The following PHAX variants were observed in gnomAD, a reference collection of about 807,000 sequenced individuals.
PHAX encodes the protein phosphorylated adaptor for RNA export, also known as phosphorylated adapter RNA export protein.
In PHAX, 31 loss-of-function variants were observed where a neutral mutation model predicts 41.6. The observed-to-expected ratio is 0.75, with a 90% CI of 0.56 to 1.01. The LOEUF is 1.01. Among genes scored for constraint, PHAX ranks in the 50% least tolerant of loss-of-function variants. The pLI is 0.00. For synonymous variants in PHAX, 175 were observed against 164.9 expected, an observed-to-expected ratio of 1.06 and a Z score of -0.47; for missense variants, 453 against 472.9, an observed-to-expected ratio of 0.96 and a Z score of 0.39.
chr5:126,611,178 C>A (rs1752091490), intron 3 of PHAX, among the ~76,000 whole-genome samples: 1 of 152,118 alleles, frequency 6.6e-6, no homozygotes, highest in African/African-American at 2.4e-5. Flanking sequence ...GCCTCAGCCT[C>A]CCAAGTAGCT....
At chr5:126,616,880 CA>C (rs35808274) in intron 3 of PHAX, among the ~76,000 whole-genome samples, 32,720 of 91,066 alleles carry the variant, frequency 0.36, 4,403 homozygotes, top group African/African-American at 0.51. Context: ...AACTCCATCT[CA>C]AAAAAAAAAA....
Position 126,603,914 on chromosome 5 carries a change from A to C in PHAX, c.441A>C (p.Arg147Ser). 1.9e-6 allele frequency: 3 copies of C among 1,613,576 alleles called. No homozygotes were observed. Among genetic ancestry groups the C allele is most frequent in the Non-Finnish European group, 2.5e-6 (3 of 1,179,866 alleles). ...TGGAGGGCACTATTGACAGAAGCAG[A>C]CAATCCGAGACCTACAATTATTTGC... ...LGMEGTIDRSRQSETYNYLLA... is the reference protein window; with the variant it reads ...LGMEGTIDRSSQSETYNYLLA... The change falls in exon 2 of 5, where the codon AGA becomes AGC. Residue 147 changes from arginine (R) to serine (S), a missense_variant. Transcript: ENST00000297540.
chr5:126,620,906 T>G (rs1473822164), intron 4 of PHAX, among the ~76,000 whole-genome samples: 2 of 152,160 alleles, frequency 1.3e-5, no homozygotes, highest in Non-Finnish European at 2.9e-5. Flanking sequence ...CGGCTAATTT[T>G]TGTATTTTTA....
At position 126,624,478 on chromosome 5, in the gene PHAX, G is replaced by GT. The variant is rs1752316860; in HGVS notation, c.916-96dup. 5.2e-6 allele frequency: 5 copies of GT among 963,442 alleles called. No individual in the cohort carries two copies. The East Asian group carries it at 1.2e-4, about 23-fold the overall frequency. The allele number at this position is 963,442 out of a possible 1,614,324, so 59.7% of individuals were successfully genotyped here. A position where few individuals can be genotyped will look rare whatever the true frequency, so the allele number is the denominator to read the frequency against. ...GAGCCTAATAATACTTGTATTTTTT[G>GT]TAAGAAATGGAGATAATGATTTTAA... On this transcript the variant is annotated intron_variant, in intron 4 of 4. Transcript: ENST00000297540.
In PHAX at chr5:126,624,571, A is replaced by G; in HGVS notation, c.916-4A>G. On this transcript the variant is annotated splice_polypyrimidine_tract_variant and splice_region_variant and intron_variant, in intron 4 of 4. Coordinates refer to ENST00000297540, the MANE Select transcript of PHAX (RefSeq NM_032177.4). ...TGTTTACTAACTTTGTTCCTTTATTACAGGACATTTTCTACATTGAAAACC... is the reference window on the plus strand; with the variant it reads ...TGTTTACTAACTTTGTTCCTTTATTGCAGGACATTTTCTACATTGAAAACC... 1 of 1,583,264 alleles carries G rather than the reference A, an allele frequency of 6.3e-7. No homozygotes were observed. The highest frequency in any genetic ancestry group is 8.6e-7 in the Non-Finnish European group (1 of 1,167,722).
chr5:126,605,811 A>T (rs550022070), intron 2 of PHAX, among the ~76,000 whole-genome samples: 1 of 152,312 alleles, frequency 6.6e-6, no homozygotes, highest in South Asian at 2.1e-4. Context: ...TATATTTTTA[A>T]ATCATGGGTT....
rs1052671093 is a variant in PHAX, at chr5:126,601,139, G to A, written c.96+81G>A. 9.0e-6 allele frequency: 9 copies of A among 1,004,386 alleles called. No homozygotes were observed. The South Asian group carries it at 1.1e-4, about 12-fold the overall frequency. 62.2% of individuals were successfully genotyped at this position (1,004,386 alleles called of 1,614,324 possible). A position where few individuals can be genotyped will look rare whatever the true frequency, so the allele number is the denominator to read the frequency against. ...GGGGAGCGCGCAGGCAGCGGTGAGG[G>A]TGAGGGGTGGGAGCTAGGAGCCCGG... On this transcript the variant is annotated intron_variant, in intron 1 of 4. Coordinates refer to ENST00000297540, the MANE Select transcript of PHAX (RefSeq NM_032177.4).
chr5:126,606,783 C>G (rs1419071764), intron 2 of PHAX, among the ~76,000 whole-genome samples: 2 of 151,936 alleles, frequency 1.3e-5, no homozygotes, highest in Non-Finnish European at 2.9e-5. Context: ...TCCCTAGTAG[C>G]CGGGATTAGA....
intron 4 of PHAX, among the ~76,000 whole-genome samples, chr5:126,619,992 T>C (rs1487626697): frequency 6.6e-6 from 1 of 152,218 alleles, no homozygotes; most frequent in African/African-American, 2.4e-5. Context: ...CTTTTAGCCA[T>C]ACTGACTGTA....
At chr5:126,622,376 C>T (rs1328966583) in intron 4 of PHAX, among the ~76,000 whole-genome samples, 2 of 151,514 alleles carry the variant, frequency 1.3e-5, no homozygotes, top group African/African-American at 2.4e-5. Flanking sequence ...TCGTGATCCG[C>T]CCGCCTCAGC....
chr5:126,612,975 T>C (rs555488212), intron 3 of PHAX, among the ~76,000 whole-genome samples: 162 of 152,276 alleles, frequency 1.1e-3, no homozygotes, highest in African/African-American at 3.6e-3. Context: ...AAAATTCACA[T>C]TGGCTTCAAA....
intron 4 of PHAX, among the ~76,000 whole-genome samples, chr5:126,624,298 C>G (rs1229516512): frequency 6.6e-6 from 1 of 152,136 alleles, no homozygotes; most frequent in Non-Finnish European, 1.5e-5. Context: ...CATGAGTCAC[C>G]ATGCCCAGCC....
At chr5:126,614,408 G>A (rs757043312) in intron 3 of PHAX, among the ~76,000 whole-genome samples, 2 of 151,944 alleles carry the variant, frequency 1.3e-5, no homozygotes, top group African/African-American at 2.4e-5. Context: ...CACCGCACCC[G>A]GCCACAAGTG....
At chr5:126,610,574 A>G (rs184320061) in intron 3 of PHAX, among the ~76,000 whole-genome samples, 2 of 152,356 alleles carry the variant, frequency 1.3e-5, no homozygotes, top group South Asian at 2.1e-4. Flanking sequence ...AAGTACTTCA[A>G]TTTTCATTCA....
At chr5:126,611,088 T>C (rs1561680572) in intron 3 of PHAX, among the ~76,000 whole-genome samples, 3 of 146,462 alleles carry the variant, frequency 2.0e-5, no homozygotes, top group African/African-American at 7.7e-5. Context: ...GTAGTTTTGC[T>C]CTTGTTGCCC....
intron 4 of PHAX, among the ~76,000 whole-genome samples, chr5:126,618,723 T>G (rs1002095786): frequency 6.6e-6 from 1 of 151,272 alleles, no homozygotes; most frequent in African/African-American, 2.4e-5. Context: ...TGGAGTGCAG[T>G]GTCATGATCT....
At chr5:126,608,266 T>C in intron 2 of PHAX, 98 bp from the exon 3 acceptor site, 2 of 1,388,564 alleles carry the variant, frequency 1.4e-6, no homozygotes, top group East Asian at 2.4e-5. Context: ...AAACCAAAAG[T>C]TACTAGAATC....
chr5:126,615,919 T>TACAC (rs1486810732), intron 3 of PHAX, among the ~76,000 whole-genome samples: 1 of 152,134 alleles, frequency 6.6e-6, no homozygotes, highest in South Asian at 2.1e-4. Context: ...TGTGTGTATA[T>TACAC]ATATCTGATT....
intron 4 of PHAX, among the ~76,000 whole-genome samples, chr5:126,621,656 C>T (rs1466368890): frequency 2.0e-5 from 3 of 151,922 alleles, no homozygotes; most frequent in Non-Finnish European, 4.4e-5. Flanking sequence ...TACATGACCT[C>T]ACAATTAAGT....
Sources: allele counts gnomAD v4.1 joint callset (sites outside exome capture counted in the v4.1 genomes callset), GRCh38; gene constraint gnomAD v4.1.1; transcripts MANE v1.5; gene names NCBI Gene and HGNC (gene_info 2026-07-23, HGNC 2026-07-21).